PCDH15: variants seen among roughly 807,000 people sequenced by gnomAD.
PCDH15 encodes the protein protocadherin related 15, also known as protocadherin-15.
PCDH15 carries 129 observed loss-of-function variants against 178.5 expected under a neutral mutation model. The ratio of observed to expected loss-of-function variants is 0.72; its 90% CI spans 0.63 to 0.84. PCDH15 has a LOEUF of 0.84. Ranked by LOEUF, PCDH15 falls within the 40% of genes least tolerant of loss-of-function variation. PCDH15 has a pLI of 0.00. For missense variants in PCDH15, 2,230 were observed against 2,099.9 expected, an observed-to-expected ratio of 1.06 and a Z score of -1.21; for synonymous variants, 800 against 732.0, an observed-to-expected ratio of 1.09 and a Z score of -1.50.
intron 1 of PCDH15, among the ~76,000 whole-genome samples, chr10:54,783,534 A>C (rs962483678): frequency 9.9e-5 from 15 of 152,118 alleles, no homozygotes; most frequent in African/African-American, 3.1e-4. Context: ...TGCATTATGA[A>C]GTTTCTGATG....
intron 1 of PCDH15, among the ~76,000 whole-genome samples, chr10:54,774,204 A>G (rs1949446646): frequency 6.6e-6 from 1 of 151,360 alleles, no homozygotes; most frequent in Non-Finnish European, 1.5e-5. Flanking sequence ...AATTTTTTGT[A>G]TTTTTAGTAG....
At chr10:54,367,846 T>G (rs995603936) in intron 5 of PCDH15, among the ~76,000 whole-genome samples, 13 of 151,572 alleles carry the variant, frequency 8.6e-5, no homozygotes, top group African/African-American at 2.2e-4. Context: ...CATATATATA[T>G]ATAGATTCTG....
intron 18 of PCDH15, among the ~76,000 whole-genome samples, chr10:54,053,244 T>C (rs546767270): frequency 2.0e-5 from 3 of 152,350 alleles, no homozygotes; most frequent in South Asian, 2.1e-4. Context: ...CAAATATGTA[T>C]GTTTAGATGC....
At chr10:55,511,803 T>G (rs1323704254) in intron 2 of PCDH15, among the ~76,000 whole-genome samples, 1 of 152,064 alleles carries the variant, frequency 6.6e-6, no homozygotes, top group African/African-American at 2.4e-5. Context: ...AATGATATTA[T>G]TATTATCTAG....
At chr10:55,518,701 T>G (rs1025100757) in intron 2 of PCDH15, among the ~76,000 whole-genome samples, 2 of 151,922 alleles carry the variant, frequency 1.3e-5, no homozygotes, top group African/African-American at 4.8e-5. Context: ...GGAAGATGTA[T>G]GCAGACAGAC....
intron 1 of PCDH15, among the ~76,000 whole-genome samples, chr10:54,748,041 G>T (rs1227782116): frequency 2.0e-5 from 3 of 151,906 alleles, no homozygotes; most frequent in Non-Finnish European, 4.4e-5. Flanking sequence ...TCCTGACCTC[G>T]TGATCCACCC....
At chr10:54,917,087 CAA>C (rs1425757101) in intron 2 of PCDH15, among the ~76,000 whole-genome samples, 1 of 152,124 alleles carries the variant, frequency 6.6e-6, no homozygotes, top group Non-Finnish European at 1.5e-5. Context: ...TGGTTAGAAA[CAA>C]TGCCTATGGT....
chr10:55,225,809 C>T (rs969201464), intron 1 of PCDH15, among the ~76,000 whole-genome samples: 1 of 152,056 alleles, frequency 6.6e-6, no homozygotes, highest in African/African-American at 2.4e-5. Context: ...AACAAGCCTT[C>T]CCCTGTACAC....
At chr10:54,219,352 A>T (rs2052505458) in intron 9 of PCDH15, among the ~76,000 whole-genome samples, 1 of 148,982 alleles carries the variant, frequency 6.7e-6, no homozygotes, top group Admixed American at 6.7e-5. Context: ...GCACTCTGGG[A>T]GGCCGAGACG....
At chr10:55,433,328 C>A (rs1418650071) in intron 2 of PCDH15, among the ~76,000 whole-genome samples, 2 of 152,022 alleles carry the variant, frequency 1.3e-5, no homozygotes, top group African/African-American at 4.8e-5. Context: ...AGGCCATAAC[C>A]AAAGACTGCA....
chr10:54,071,469 A>C (rs2094241169), intron 17 of PCDH15, among the ~76,000 whole-genome samples: 1 of 152,114 alleles, frequency 6.6e-6, no homozygotes, highest in South Asian at 2.1e-4. Context: ...TAATCACAAA[A>C]AAATGCATTT....
intron 13 of PCDH15, among the ~76,000 whole-genome samples, chr10:54,177,394 G>A (rs890693532): frequency 4.6e-5 from 7 of 152,086 alleles, no homozygotes; most frequent in African/African-American, 9.7e-5. Flanking sequence ...ATGAAGCACC[G>A]AGAGTGAATC....
chr10:54,709,948 T>TGTAC (rs2095411561), intron 1 of PCDH15, among the ~76,000 whole-genome samples: 1 of 149,462 alleles, frequency 6.7e-6, no homozygotes, highest in Admixed American at 6.7e-5. Flanking sequence ...TATGTATATA[T>TGTAC]ATATTACATA....
intron 3 of PCDH15, among the ~76,000 whole-genome samples, chr10:54,495,777 A>C (rs887870077): frequency 3.3e-5 from 5 of 152,068 alleles, no homozygotes; most frequent in African/African-American, 1.2e-4. Flanking sequence ...TTAGTTTTCT[A>C]CTCTTTGAGT....
At chr10:54,062,226 T>G (rs1590188464) in intron 18 of PCDH15, among the ~76,000 whole-genome samples, 1 of 12,174 alleles carries the variant, frequency 8.2e-5, no homozygotes, top group South Asian at 3.1e-3. Context: ...AGATTCTGTC[T>G]CAAAAAAAAA....
At chr10:55,220,420 A>T (rs1840837728) in intron 1 of PCDH15, among the ~76,000 whole-genome samples, 1 of 152,072 alleles carries the variant, frequency 6.6e-6, no homozygotes, top group African/African-American at 2.4e-5. Context: ...ACAGAAAGAT[A>T]TACAGTCATG....
chr10:54,936,177 T>C (rs1670819), intron 2 of PCDH15, among the ~76,000 whole-genome samples: 68,917 of 151,760 alleles, frequency 0.45, 15,877 homozygotes, highest in Middle Eastern at 0.55. Context: ...TCTCACTTAG[T>C]GTAATATTTT....
intron 8 of PCDH15, among the ~76,000 whole-genome samples, chr10:54,269,900 G>A (rs2057939580): frequency 6.6e-6 from 1 of 151,874 alleles, no homozygotes; most frequent in Non-Finnish European, 1.5e-5. Context: ...TATATAAAAT[G>A]TTAAATGATA....
intron 1 of PCDH15, among the ~76,000 whole-genome samples, chr10:55,174,276 C>T (rs576127475): frequency 6.6e-6 from 1 of 152,206 alleles, no homozygotes; most frequent in East Asian, 1.9e-4. Context: ...ACTCAGGGTC[C>T]CCACTGAAAC....
Sources: allele counts gnomAD v4.1 joint callset (sites outside exome capture counted in the v4.1 genomes callset), GRCh38; gene constraint gnomAD v4.1.1; transcripts MANE v1.5; gene names NCBI Gene and HGNC (gene_info 2026-07-23, HGNC 2026-07-21).